The following GOT1L1 variants were observed in gnomAD, a reference collection of about 807,000 sequenced individuals.
GOT1L1 encodes the protein aspartate aminotransferase, cytoplasmic 2.
In GOT1L1, 38 loss-of-function variants were observed where a neutral mutation model predicts 43.6. That is an observed-to-expected ratio of 0.87 (90% CI 0.67 to 1.14). The LOEUF is 1.14. Among genes scored for constraint, GOT1L1 ranks in the 50% most tolerant of loss-of-function variants. The pLI, the probability that GOT1L1 is intolerant of heterozygous loss-of-function variation, is 0.00. For missense variants in GOT1L1, 482 were observed against 504.0 expected (o/e 0.96, Z 0.42); for synonymous variants, 183 against 187.2 (o/e 0.98, Z 0.18).
At position 37,937,406 on chromosome 8, in the gene GOT1L1, C is replaced by T. The variant is rs756982078; in HGVS notation, c.410-20G>A. ...GCAGTTCTGTGGGAACACAGCCCCC[C>T]ACTAGCTGGTACATGGGAAACAGAG... On this transcript the variant is annotated intron_variant, in intron 3 of 8. Coordinates refer to ENST00000307599, the MANE Select transcript of GOT1L1 (RefSeq NM_152413.3). The T allele has an allele frequency of 1.3e-6, 2 of 1,487,276 alleles. No homozygotes were observed. The highest frequency in any genetic ancestry group is 1.3e-5 in the South Asian group (1 of 79,634). 92.1% of individuals were successfully genotyped at this position (1,487,276 alleles called of 1,614,324 possible).
Position 37,937,216 on chromosome 8 carries a change from G to A in GOT1L1, c.519+61C>T. 7.9e-6 allele frequency: 10 copies of A among 1,257,968 alleles called. 1 individual carries two copies. The South Asian group carries it at 1.4e-4, about 17-fold the overall frequency. The allele number at this position is 1,257,968 out of a possible 1,614,324, so 77.9% of individuals were successfully genotyped here. On this transcript the variant is annotated intron_variant, in intron 4 of 8. Transcript: ENST00000307599. Reference sequence around the variant, plus strand: ...TGGATGACTTAAGAGGTGTGGGGAGGAGAGGAACATTAGGCTGTAAGTCAG... The same window carrying A: ...TGGATGACTTAAGAGGTGTGGGGAGAAGAGGAACATTAGGCTGTAAGTCAG...
intron 2 of GOT1L1, 32 bp from the exon 3 acceptor site, chr8:37,937,781 G>A (rs1247534825): frequency 6.7e-7 from 1 of 1,489,390 alleles, no homozygotes; most frequent in Non-Finnish European, 9.3e-7. Context: ...AAATAGGCCA[G>A]GTGTGGTGGC....
At position 37,939,430 on chromosome 8, in the gene GOT1L1, AAATATATATATAT is replaced by A. The variant is rs1354487405; in HGVS notation, c.115+472_115+484del. 6.2e-4 allele frequency among the ~76,000 whole-genome samples: 37 copies of A among 59,444 alleles called. 4 individuals are homozygous for A. Among genetic ancestry groups the A allele is most frequent in the African/African-American group, 2.8e-3 (34 of 12,068 alleles). The allele number at this position is 59,444 out of a possible 152,430, so 39.0% of individuals were successfully genotyped here. ...CCCTGTCTCAAGAAAAAAAAAAAAAAAATATATATATATATATATATATATATATATATATATA... is the reference window on the plus strand; with the variant it reads ...CCCTGTCTCAAGAAAAAAAAAAAAAAATATATATATATATATATATATATA... On this transcript the variant is annotated intron_variant, in intron 1 of 8. Transcript: ENST00000307599.
chr8:37,935,974 A>C, intron 6 of GOT1L1, 105 bp from the exon 7 acceptor site: 2 of 1,309,668 alleles, frequency 1.5e-6, no homozygotes, highest in Non-Finnish European at 2.1e-6. Flanking sequence ...GTTGAACCAC[A>C]AGGCCCTCAT....
At chr8:37,937,812 C>A in intron 2 of GOT1L1, 63 bp from the exon 3 acceptor site, 1 of 1,133,378 alleles carries the variant, frequency 8.8e-7, no homozygotes, top group Non-Finnish European at 1.3e-6. Flanking sequence ...AATTCCAGCA[C>A]TTTGGGAGGC....
At position 37,936,310 on chromosome 8, in the gene GOT1L1, C is replaced by T. The variant is rs1585473524; in HGVS notation, c.763+410G>A. Among the ~76,000 whole-genome samples, 3 of 151,712 alleles carry T rather than the reference C, an allele frequency of 2.0e-5. No homozygotes were observed. The South Asian group carries it at 6.3e-4, about 32-fold the overall frequency. On this transcript the variant is annotated intron_variant, in intron 6 of 8. Transcript: ENST00000307599. Reference sequence around the variant, plus strand: ...TACTGGTGTGTACCACCATGCCCGACTAATTTTTTTAATTGTTTGTAGAGA... The same window carrying T: ...TACTGGTGTGTACCACCATGCCCGATTAATTTTTTTAATTGTTTGTAGAGA...
At position 37,935,018 on chromosome 8, in the gene GOT1L1, C is replaced by T. The variant is rs754039428; in HGVS notation, c.1072+55G>A. 2.6e-5 allele frequency: 42 copies of T among 1,599,518 alleles called. No homozygotes were observed. In the Admixed American group the frequency reaches 7.2e-4, roughly 28 times the overall value. ...GTCACCTAGTCAGTGAAGTTTAATG[C>T]TCAAATACAGGCCAAAGGTCAGAAA... On this transcript the variant is annotated intron_variant, in intron 8 of 8. Transcript: ENST00000307599.
chr8:37,939,434 ATATATATATATATATATATATATATAT>A (rs1807865043), intron 1 of GOT1L1, among the ~76,000 whole-genome samples: 4 of 57,936 alleles, frequency 6.9e-5, no homozygotes. Flanking sequence ...AAAAAAAAAT[ATATATATATATATATATATATATATAT>A]ATATATATAT....
At chr8:37,939,804 C>T in intron 1 of GOT1L1, 111 bp downstream of exon 1, 1 of 1,032,680 alleles carries the variant, frequency 9.7e-7, no homozygotes, top group East Asian at 2.7e-5. Context: ...AAAGATCTCT[C>T]CACCCACAGA....
At chr8:37,939,480 T>G (rs1328985302) in intron 1 of GOT1L1, among the ~76,000 whole-genome samples, 2 of 91,276 alleles carry the variant, frequency 2.2e-5, no homozygotes, top group African/African-American at 7.8e-5. Context: ...ATATGCAAAA[T>G]GAGAGTTATA....
At chr8:37,939,416 G>GAAAAAAAAAAAA (rs4058283) in intron 1 of GOT1L1, among the ~76,000 whole-genome samples, 3 of 21,414 alleles carry the variant, frequency 1.4e-4, no homozygotes, top group African/African-American at 6.0e-4. Flanking sequence ...CCTGTCTCAA[G>GAAAAAAAAAAAA]AAAAAAAAAA....
chr8:37,939,432 ATATATATATATATATATATAT>A lies in GOT1L1; in HGVS notation c.115+462_115+482del, dbSNP rs1357842634. Among the ~76,000 whole-genome samples, 45 of 65,490 alleles carry A rather than the reference ATATATATATATATATATATAT, an allele frequency of 6.9e-4. 4 individuals carry two copies. Among genetic ancestry groups the A allele is most frequent in the African/African-American group, 2.3e-3 (37 of 16,000 alleles). 43.0% of individuals were successfully genotyped at this position (65,490 alleles called of 152,430 possible). A position where few individuals can be genotyped will look rare whatever the true frequency, so the allele number is the denominator to read the frequency against. On this transcript the variant is annotated intron_variant, in intron 1 of 8. Transcript: ENST00000307599. ...CTGTCTCAAGAAAAAAAAAAAAAAA[ATATATATATATATATATATAT>A]ATATATATATATATATATATGCAAA...
In GOT1L1 at chr8:37,934,452, G is replaced by A. The variant is rs780007407; in HGVS notation, c.1107C>T (p.His369=). The A allele has an allele frequency of 3.1e-6, 5 of 1,613,778 alleles. No individual in the cohort carries two copies. In the African/African-American group the frequency reaches 6.7e-5, roughly 22 times the overall value. Residue 369 remains histidine, a synonymous_variant, in exon 9 of 9, where the codon CAC becomes CAT. Coordinates refer to ENST00000307599, the MANE Select transcript of GOT1L1 (RefSeq NM_152413.3). ...QQVEYLVRKK[H]IYIPKNGQIN... is the part of the protein sequence containing the mutation. Reference sequence around the variant, plus strand: ...TCTGACCGTTCTTGGGGATATAGATGTGCTTCTTCCTGACCAGGTATTCCA... The same window carrying A: ...TCTGACCGTTCTTGGGGATATAGATATGCTTCTTCCTGACCAGGTATTCCA...
chr8:37,935,347 G>A, intron 7 of GOT1L1, 132 bp from the exon 8 acceptor site: 1 of 943,796 alleles, frequency 1.1e-6, no homozygotes, highest in African/African-American at 1.7e-5. Flanking sequence ...ATGATTATGA[G>A]TGGGAGGGAG....
At position 37,938,833 on chromosome 8, in the gene GOT1L1, T is replaced by G. The variant is rs773945084; in HGVS notation, c.164A>C (p.Lys55Thr). The G allele has an allele frequency of 6.2e-7, 1 of 1,613,900 alleles. No homozygotes were observed. Among genetic ancestry groups the G allele is most frequent in the South Asian group, 1.1e-5 (1 of 91,064 alleles). ...ATCCTGTGAAATCTGTAGTCGAGTC[T>G]TCTGCACCACGAGAGAAACCCAGGG... ...GHPWVSLVVQ[K>T]TRLQISQDPS... Residue 55 changes from lysine (K) to threonine (T), a missense_variant, in exon 2 of 9, where the codon AAG becomes ACG. By Grantham distance (78) the Lys-to-Thr change is moderately conservative. Coordinates refer to ENST00000307599, the MANE Select transcript of GOT1L1 (RefSeq NM_152413.3).
intron 2 of GOT1L1, among the ~76,000 whole-genome samples, 181 bp downstream of exon 2, chr8:37,938,519 C>T (rs980227979): frequency 4.6e-5 from 7 of 152,158 alleles, no homozygotes; most frequent in African/African-American, 1.7e-4. Context: ...GTGGGAATAC[C>T]ACTGGACTGA....
At chr8:37,936,639 T>G in intron 6 of GOT1L1, 81 bp downstream of exon 6, 54 of 1,285,270 alleles carry the variant, frequency 4.2e-5, no homozygotes, top group Non-Finnish European at 5.1e-5. Context: ...CTCCCAAGGA[T>G]GAGATATCAA....
rs926966473 is a variant in GOT1L1 at position 37,937,379 on chromosome 8, A to G, written c.417T>C (p.His139=). 8.2e-6 allele frequency: 13 copies of G among 1,593,844 alleles called. No individual in the cohort carries two copies. Among genetic ancestry groups the G allele is most frequent in the Admixed American group, 1.8e-5 (1 of 56,796 alleles). The change falls in exon 4 of 9, where the codon CAT becomes CAC. Residue 139 remains histidine, a synonymous_variant. Transcript: ENST00000307599. ...VYIISSQKEL[H]GLVFQDMGFT... ...AGCCCATGTCCTGGAAGACGAGTCC[A>G]TGCAGTTCTGTGGGAACACAGCCCC...
rs1807690016 is a variant in GOT1L1, at chr8:37,934,389, G to A, written c.1170C>T (p.Tyr390=). The A allele has an allele frequency of 2.5e-5, 41 of 1,613,210 alleles. No individual in the cohort carries two copies. The highest frequency in any genetic ancestry group is 3.5e-5 in the Non-Finnish European group (41 of 1,179,352). The part of the protein sequence containing the change: ...FSCINANNIN[Y]ITEGINEAVL... Reference sequence around the variant, plus strand: ...CAGCCTCATTGATGCCCTCAGTGATGTAATTTATGTTGTTGGCATTGATAC... The same window carrying A: ...CAGCCTCATTGATGCCCTCAGTGATATAATTTATGTTGTTGGCATTGATAC... The change falls in exon 9 of 9, where the codon TAC becomes TAT. Residue 390 remains tyrosine (Y), a synonymous_variant. Transcript: ENST00000307599.
Sources: gnomAD v4.1 joint callset for allele counts (sites outside exome capture counted in the v4.1 genomes callset) on GRCh38, gnomAD v4.1.1 for gene constraint, MANE v1.5 for transcripts, NCBI Gene and HGNC (gene_info 2026-07-23, HGNC 2026-07-21) for gene names.